CCSER1: variants seen among roughly 807,000 people sequenced by gnomAD.
CCSER1 encodes coiled-coil serine rich protein 1.
A neutral mutation model predicts 82.0 loss-of-function variants in CCSER1; 41 were observed. That is an observed-to-expected ratio of 0.50 (90% CI 0.39 to 0.65). CCSER1 has a LOEUF of 0.65. CCSER1 is among the 30% of genes least tolerant of loss of function. CCSER1 has a pLI of 0.00. For missense variants in CCSER1, 1,119 were observed against 1,064.2 expected (o/e 1.05, Z -0.72); for synonymous variants, 414 against 383.9 (o/e 1.08, Z -0.92).
chr4:91,104,081 A>C (rs1339778567), intron 10 of CCSER1, among the ~76,000 whole-genome samples: 1 of 152,124 alleles, frequency 6.6e-6, no homozygotes, highest in Admixed American at 6.5e-5. Flanking sequence ...CAGTACCCTT[A>C]GGCTTACTAG....
intron 3 of CCSER1, among the ~76,000 whole-genome samples, chr4:90,363,671 T>A (rs1332461130): frequency 6.6e-6 from 1 of 152,096 alleles, no homozygotes; most frequent in Non-Finnish European, 1.5e-5. Context: ...TAAAGAAAAT[T>A]GTCAAGTGAA....
chr4:90,781,758 T>C, intron 7 of CCSER1: 1 of 967,000 alleles, frequency 1.0e-6, no homozygotes, highest in South Asian at 4.8e-5. Flanking sequence ...AACCTGTCTT[T>C]TGTTACTGAA....
At chr4:91,415,584 C>T (rs1197559469) in intron 10 of CCSER1, among the ~76,000 whole-genome samples, 1 of 152,148 alleles carries the variant, frequency 6.6e-6, no homozygotes, top group East Asian at 1.9e-4. Flanking sequence ...AGGTATGTTC[C>T]TTCAATACCA....
chr4:90,274,418 T>G (rs904727158), intron 1 of CCSER1, among the ~76,000 whole-genome samples: 1 of 151,930 alleles, frequency 6.6e-6, no homozygotes, highest in African/African-American at 2.4e-5. Flanking sequence ...CTTTGTCATT[T>G]TGTTTGCTTA....
intron 1 of CCSER1, among the ~76,000 whole-genome samples, chr4:90,279,947 A>G (rs377159751): frequency 3.3e-5 from 5 of 152,066 alleles, no homozygotes; most frequent in African/African-American, 1.2e-4. Flanking sequence ...CTCTGCCAAG[A>G]CAACCCAAGC....
intron 10 of CCSER1, among the ~76,000 whole-genome samples, chr4:91,528,430 C>T (rs1017243834): frequency 6.6e-6 from 1 of 152,008 alleles, no homozygotes; most frequent in Non-Finnish European, 1.5e-5. Flanking sequence ...AAATAAACAG[C>T]ATGTTATTTA....
At chr4:90,733,951 G>C (rs913489190) in intron 7 of CCSER1, among the ~76,000 whole-genome samples, 1 of 151,988 alleles carries the variant, frequency 6.6e-6, no homozygotes, top group African/African-American at 2.4e-5. Context: ...TTCAAGTCAG[G>C]TAATGTGATT....
chr4:90,400,047 T>A lies in CCSER1; in HGVS notation c.1521T>A (p.Asn507Lys). Reference sequence around the variant, plus strand: ...TGATTTTTCTTCAGGATGTTTTGAATAATTTGGGATCTTGTGAACTGGATG... The same window carrying A: ...TGATTTTTCTTCAGGATGTTTTGAAAAATTTGGGATCTTGTGAACTGGATG... ...SSKMNSLDVL[N>K]NLGSCELDED... The change falls in exon 4 of 11, where the codon AAT becomes AAA. Residue 507 changes from asparagine (N) to lysine (K), a missense_variant. Transcript: ENST00000509176. 1 of 1,599,722 alleles carries A rather than the reference T, an allele frequency of 6.3e-7. No individual in the cohort carries two copies. Among genetic ancestry groups the A allele is most frequent in the Non-Finnish European group, 8.6e-7 (1 of 1,168,764 alleles).
intron 5 of CCSER1, among the ~76,000 whole-genome samples, chr4:90,505,542 G>T (rs1000799581): frequency 6.6e-6 from 1 of 152,202 alleles, no homozygotes; most frequent in African/African-American, 2.4e-5. Flanking sequence ...TGAGCCCTGA[G>T]GGCTGCTGCT....
rs1281464817 is a variant in CCSER1, at chr4:91,012,986, G to GTTTTA, written c.2173-72952_2173-72948dup. ...GGGGATGGGGTGGTTGAGGCCAAGTGTTTTATTTTATTTTATACATGGCTT... is the reference window on the plus strand; with the variant it reads ...GGGGATGGGGTGGTTGAGGCCAAGTGTTTTATTTTATTTTATTTTATACATGGCTT... On this transcript the variant is annotated intron_variant, in intron 9 of 10. Coordinates refer to ENST00000509176, the MANE Select transcript of CCSER1 (RefSeq NM_001145065.2). Among the ~76,000 whole-genome samples, 4 of 134,240 alleles carry GTTTTA rather than the reference G, an allele frequency of 3.0e-5. 1 individual carries two copies. Among genetic ancestry groups the GTTTTA allele is most frequent in the Non-Finnish European group, 6.9e-5 (4 of 57,672 alleles). The allele number at this position is 134,240 out of a possible 152,430, so 88.1% of individuals were successfully genotyped here.
intron 10 of CCSER1, among the ~76,000 whole-genome samples, chr4:91,308,638 A>AGCAT (rs1355826741): frequency 6.6e-6 from 1 of 152,032 alleles, no homozygotes; most frequent in East Asian, 1.9e-4. Context: ...CTGTTGCACT[A>AGCAT]GCATGCACAT....
chr4:90,293,156 G>A (rs1731237344), intron 1 of CCSER1, among the ~76,000 whole-genome samples: 1 of 151,578 alleles, frequency 6.6e-6, no homozygotes, highest in Non-Finnish European at 1.5e-5. Context: ...TTTCTACAAA[G>A]CAGTACAGTT....
At chr4:90,205,665 T>G (rs2153409790) in intron 1 of CCSER1, among the ~76,000 whole-genome samples, 1 of 152,332 alleles carries the variant, frequency 6.6e-6, no homozygotes, top group East Asian at 1.9e-4. Flanking sequence ...TTTCTTTTTT[T>G]GTTGTATCTC....
At chr4:91,157,455 G>C (rs902948111) in intron 10 of CCSER1, among the ~76,000 whole-genome samples, 2 of 151,742 alleles carry the variant, frequency 1.3e-5, no homozygotes, top group African/African-American at 4.8e-5. Context: ...TTTTCCAATA[G>C]TATCTTTCTT....
intron 6 of CCSER1, among the ~76,000 whole-genome samples, chr4:90,673,710 A>G (rs776672597): frequency 1.3e-5 from 2 of 152,040 alleles, no homozygotes; most frequent in Non-Finnish European, 2.9e-5. Context: ...TGTGGTGAAC[A>G]TCATAGGCAA....
At chr4:91,415,934 A>C (rs928152539) in intron 10 of CCSER1, among the ~76,000 whole-genome samples, 6 of 151,932 alleles carry the variant, frequency 3.9e-5, no homozygotes, top group African/African-American at 1.4e-4. Context: ...CATCATCAGG[A>C]GTCCCTCATT....
In CCSER1 at chr4:90,158,332, G is replaced by C. The variant is rs1465173134; in HGVS notation, c.-42+30501G>C. Among the ~76,000 whole-genome samples, 3 of 152,164 alleles carry C rather than the reference G, an allele frequency of 2.0e-5. No homozygotes were observed. The East Asian group carries it at 5.8e-4, about 29-fold the overall frequency. ...GGCTGCTCGGGGGTCAGGGGTCAGG[G>C]ACCCACTTGAGGAGGCCGTCTGCCC... is the stretch of plus-strand genomic sequence containing the variant. On this transcript the variant is annotated intron_variant, in intron 1 of 10. Coordinates refer to ENST00000509176, the MANE Select transcript of CCSER1 (RefSeq NM_001145065.2).
chr4:90,422,874 TCAA>T (rs1471917963), intron 4 of CCSER1, among the ~76,000 whole-genome samples: 1 of 152,180 alleles, frequency 6.6e-6, no homozygotes, highest in Non-Finnish European at 1.5e-5. Context: ...CAGTACACTC[TCAA>T]CAGCCTCAAA....
intron 10 of CCSER1, among the ~76,000 whole-genome samples, chr4:91,470,625 C>T (rs188526841): frequency 7.2e-5 from 11 of 152,078 alleles, no homozygotes; most frequent in African/African-American, 2.2e-4. Flanking sequence ...TCTCTCATGC[C>T]TATTCTGATA....
Sources: allele counts gnomAD v4.1 joint callset (sites outside exome capture counted in the v4.1 genomes callset), GRCh38; gene constraint gnomAD v4.1.1; transcripts MANE v1.5; gene names NCBI Gene and HGNC (gene_info 2026-07-23, HGNC 2026-07-21).